Variants in BEAN1 observed in about 807,000 individuals in gnomAD.
BEAN1 encodes brain expressed associated with NEDD4 1, also known as protein BEAN1.
Under a neutral mutation model 17.7 loss-of-function variants are expected in BEAN1, and 17 were observed. The observed-to-expected ratio is 0.96, with a 90% CI of 0.66 to 1.44. The LOEUF (loss-of-function observed/expected upper bound fraction) is 1.44. Among genes scored for constraint, BEAN1 ranks in the 40% most tolerant of loss-of-function variants. The pLI, the probability that BEAN1 is intolerant of heterozygous loss-of-function variation, is 0.00. For missense variants in BEAN1, 359 were observed against 374.1 expected, an observed-to-expected ratio of 0.96 and a Z score of 0.33; for synonymous variants, 142 against 151.8, an observed-to-expected ratio of 0.94 and a Z score of 0.47.
intron 2 of BEAN1, among the ~76,000 whole-genome samples, chr16:66,465,070 T>A (rs1963216737): frequency 6.6e-6 from 1 of 152,230 alleles, no homozygotes; most frequent in Non-Finnish European, 1.5e-5. Context: ...AGAAGTTCCC[T>A]TCTATTTTTA....
Position 66,481,025 on chromosome 16 carries a change from C to T in BEAN1, c.*100C>T. 9.4e-7 allele frequency: 1 copy of T among 1,060,096 alleles called. No homozygotes were observed. Among genetic ancestry groups the T allele is most frequent in the Non-Finnish European group, 1.3e-6 (1 of 761,510 alleles). 65.7% of individuals were successfully genotyped at this position (1,060,096 alleles called of 1,614,324 possible). On this transcript the variant is annotated 3_prime_UTR_variant, in exon 5 of 5. Coordinates refer to ENST00000536005, the MANE Select transcript of BEAN1 (RefSeq NM_001178020.3). The surrounding 1 kb of genome is among the most constrained non-coding windows in gnomAD (Gnocchi z 4.1). ...CACACACAGAGATGCACACGTGACT[C>T]ATAACACACACATAGACCAAACTTG...
chr16:66,475,204 A>G (rs1386931453), intron 3 of BEAN1, among the ~76,000 whole-genome samples: 1 of 152,156 alleles, frequency 6.6e-6, no homozygotes, highest in African/African-American at 2.4e-5. Flanking sequence ...GGGAAGTTCA[A>G]ATGGGAGTGG....
At position 66,469,876 on chromosome 16, in the gene BEAN1, G is replaced by C; in HGVS notation, c.289+11G>C. ...ACGAGCACGGCTACGGTGAGCCGCC[G>C]CCCACCCTGGGGCCCTGGGACCTCA... On this transcript the variant is annotated intron_variant, in intron 3 of 4. Coordinates refer to ENST00000536005, the MANE Select transcript of BEAN1 (RefSeq NM_001178020.3). The C allele has an allele frequency of 6.5e-7, 1 of 1,530,978 alleles. No homozygotes were observed. The highest frequency in any genetic ancestry group is 8.7e-7 in the Non-Finnish European group (1 of 1,144,582). 94.8% of individuals were successfully genotyped at this position (1,530,978 alleles called of 1,614,324 possible).
Position 66,469,755 on chromosome 16 carries a change from G to A in BEAN1, c.179G>A (p.Arg60His), listed in dbSNP as rs1316507544. ...ATCACCATCATTGTGGGCAGCATCC[G>A]CAGGGACAGGCAGGCCCGGCTTCAG... Reference protein sequence around the residue: ...SCITIIVGSIRRDRQARLQRH... With the variant: ...SCITIIVGSIHRDRQARLQRH... The change falls in exon 3 of 5, where the codon CGC becomes CAC. Residue 60 changes from arginine (R) to histidine (H), a missense_variant. By Grantham distance (29) the Arg-to-His change is conservative (BLOSUM62 0). Coordinates refer to ENST00000536005, the MANE Select transcript of BEAN1 (RefSeq NM_001178020.3). 5.2e-6 allele frequency: 8 copies of A among 1,536,146 alleles called. No individual in the cohort carries two copies. Among genetic ancestry groups the A allele is most frequent in the South Asian group, 2.4e-5 (2 of 84,054 alleles).
chr16:66,461,718 C>T (rs1012047520), intron 2 of BEAN1, among the ~76,000 whole-genome samples: 1 of 152,176 alleles, frequency 6.6e-6, no homozygotes, highest in Non-Finnish European at 1.5e-5. Flanking sequence ...TCCCAACCCA[C>T]ATCTGGGGTC....
intron 3 of BEAN1, among the ~76,000 whole-genome samples, chr16:66,474,529 G>A (rs1597036668): frequency 7.2e-6 from 1 of 139,054 alleles, no homozygotes; most frequent in South Asian, 2.5e-4. Context: ...AGATGGGGGT[G>A]GGGGAGGAAG....
At position 66,490,396 on chromosome 16, in the gene BEAN1, CAATAAAATAAAATAAAATAA is replaced by C. The variant is rs202234411; in HGVS notation, c.148-2525_148-2506del. The stretch of plus-strand genomic sequence containing the variant: ...TGGGCAACAAAACAAGACTCTGTTT[CAATAAAATAAAATAAAATAA>C]AATAAAATAAAATAAAATAAAATAA... On this transcript the variant is annotated intron_variant, in intron 4 of 4. Transcript: ENST00000561796. 2.1e-3 allele frequency among the ~76,000 whole-genome samples: 143 copies of C among 67,576 alleles called. 7 individuals carry two copies. Among genetic ancestry groups the C allele is most frequent in the African/African-American group, 7.2e-3 (131 of 18,312 alleles). 44.3% of individuals were successfully genotyped at this position (67,576 alleles called of 152,430 possible).
chr16:66,487,845 T>C (rs1017266168), intron 4 of BEAN1, among the ~76,000 whole-genome samples: 1 of 152,164 alleles, frequency 6.6e-6, no homozygotes, highest in African/African-American at 2.4e-5. Flanking sequence ...CCACCTCCCC[T>C]CCCTGCCTGC....
chr16:66,484,432 T>C (rs949706257), downstream of BEAN1: 1 of 371,626 alleles, frequency 2.7e-6, no homozygotes, highest in Non-Finnish European at 5.3e-6. The surrounding 1 kb of genome is among the most constrained non-coding windows in gnomAD (Gnocchi z 4.2). Context: ...ACATGCCCTA[T>C]GCTGTGGTGT....
At chr16:66,453,610 C>T (rs910571954) in intron 2 of BEAN1, among the ~76,000 whole-genome samples, 1 of 152,174 alleles carries the variant, frequency 6.6e-6, no homozygotes, top group African/African-American at 2.4e-5. Context: ...AATCCTCCCA[C>T]CTTGACCTCC....
chr16:66,479,551 C>T (rs1457086259), intron 4 of BEAN1, among the ~76,000 whole-genome samples: 1 of 152,086 alleles, frequency 6.6e-6, no homozygotes, highest in East Asian at 1.9e-4. Context: ...TCCAAACACA[C>T]ACACACACAT....
intron 4 of BEAN1, among the ~76,000 whole-genome samples, chr16:66,491,582 C>A (rs748835642): frequency 6.6e-6 from 1 of 152,156 alleles, no homozygotes; most frequent in Non-Finnish European, 1.5e-5. Flanking sequence ...ACGAGACCAG[C>A]GGTCCCCAAC....
rs879003101 is a variant in BEAN1, at chr16:66,477,674, C to T, written c.404C>T (p.Thr135Met). Residue 135 changes from threonine to methionine, a missense_variant, in exon 4 of 5, where the codon ACG becomes ATG. Coordinates refer to ENST00000536005, the MANE Select transcript of BEAN1 (RefSeq NM_001178020.3). Reference sequence around the variant, plus strand: ...AGCTCTGACGGGGACGTGGATGCCACGGTGCTCAGGGAGCTGTACCCAGAT... The same window carrying T: ...AGCTCTGACGGGGACGTGGATGCCATGGTGCTCAGGGAGCTGTACCCAGAT... ...DISSDGDVDA[T>M]VLRELYPDSP... 3.4e-5 allele frequency: 53 copies of T among 1,550,210 alleles called. No individual in the cohort carries two copies. Among genetic ancestry groups the T allele is most frequent in the African/African-American group, 5.5e-5 (4 of 72,972 alleles).
intron 2 of BEAN1, chr16:66,437,974 G>T: frequency 1.8e-6 from 1 of 568,680 alleles, no homozygotes; most frequent in Non-Finnish European, 3.2e-6. Flanking sequence ...GGATGTTAAT[G>T]GGATGACACA....
chr16:66,438,850 A>C (rs1009601834), intron 2 of BEAN1, among the ~76,000 whole-genome samples: 1 of 152,142 alleles, frequency 6.6e-6, no homozygotes, highest in Non-Finnish European at 1.5e-5. Context: ...GGAGACATGC[A>C]GGACTGCCCT....
At chr16:66,467,367 G>A (rs1197750317) in intron 2 of BEAN1, among the ~76,000 whole-genome samples, 1 of 152,178 alleles carries the variant, frequency 6.6e-6, no homozygotes, top group Admixed American at 6.5e-5. Context: ...GAGGCCTCAA[G>A]AAACAGACAA....
intron 4 of BEAN1, among the ~76,000 whole-genome samples, chr16:66,478,557 G>A (rs1162994660): frequency 1.3e-5 from 2 of 152,136 alleles, no homozygotes; most frequent in African/African-American, 2.4e-5. Context: ...AGCTGAGATC[G>A]CACCACTGCA....
intron 2 of BEAN1, among the ~76,000 whole-genome samples, chr16:66,449,629 C>G (rs1962595724): frequency 8.8e-6 from 1 of 113,464 alleles, no homozygotes; most frequent in Non-Finnish European, 1.9e-5. Context: ...AAAAAAAAAT[C>G]ACTAATGAAA....
Position 66,469,606 on chromosome 16 carries a change from A to C in BEAN1, c.30A>C (p.Ala10=). MSFKRPCPL[A]RYNRTSYFYP... Reference sequence around the variant, plus strand: ...GTCCTCTCTCTCTGTCCACAGTAGCACGATACAACCGCACCAGCTACTTCT... The same window carrying C: ...GTCCTCTCTCTCTGTCCACAGTAGCCCGATACAACCGCACCAGCTACTTCT... The change falls in exon 3 of 5, where the codon GCA becomes GCC. Residue 10 remains alanine, a synonymous_variant. Coordinates refer to ENST00000536005, the MANE Select transcript of BEAN1 (RefSeq NM_001178020.3). 6.5e-7 allele frequency: 1 copy of C among 1,535,722 alleles called. No homozygotes were observed. The highest frequency in any genetic ancestry group is 8.7e-7 in the Non-Finnish European group (1 of 1,146,590).
Sources: allele counts gnomAD v4.1 joint callset (sites outside exome capture counted in the v4.1 genomes callset), GRCh38; gene constraint gnomAD v4.1.1; non-coding constraint Gnocchi (gnomAD v3.1); transcripts MANE v1.5; gene names NCBI Gene and HGNC (gene_info 2026-07-23, HGNC 2026-07-21).